KLRD1: variants seen among roughly 807,000 people sequenced by gnomAD.
KLRD1 encodes natural killer cells antigen CD94.
KLRD1 carries 21 observed loss-of-function variants against 22.6 expected under a neutral mutation model. The observed-to-expected ratio is 0.93, with a 90% CI of 0.66 to 1.34. The LOEUF is 1.34. Among genes scored for constraint, KLRD1 ranks in the 40% most tolerant of loss-of-function variants. The pLI, the probability that KLRD1 is intolerant of heterozygous loss-of-function variation, is 0.00. For missense variants in KLRD1, 183 were observed against 208.6 expected, an observed-to-expected ratio of 0.88 and a Z score of 0.76; for synonymous variants, 59 against 71.1, an observed-to-expected ratio of 0.83 and a Z score of 0.85.
intron 1 of KLRD1, among the ~76,000 whole-genome samples, chr12:10,291,965 C>T (rs58700703): frequency 0.074 from 11,302 of 152,194 alleles, 490 homozygotes; most frequent in East Asian, 0.17. Context: ...CTGCAAAGGA[C>T]ATAATCTCAT....
At chr12:10,261,729 T>A (rs1292499554) in intron 1 of KLRD1, among the ~76,000 whole-genome samples, 1 of 152,154 alleles carries the variant, frequency 6.6e-6, no homozygotes, top group Non-Finnish European at 1.5e-5. Context: ...AAGCTTCTAA[T>A]TCTTACTATT....
At chr12:10,241,321 A>G (rs1373439219) in intron 1 of KLRD1, among the ~76,000 whole-genome samples, 1 of 152,176 alleles carries the variant, frequency 6.6e-6, no homozygotes, top group African/African-American at 2.4e-5. Context: ...TTTCTTTATC[A>G]GCTTTCTAAT....
In KLRD1 at chr12:10,324,818, G is replaced by GTGTGTGTGTATATATATATATA. The variant is rs750696767; in HGVS notation, c.*10026_*10027insGTGTGTGTATATATATATATAT. 1.3e-4 allele frequency: 10 copies of GTGTGTGTGTATATATATATATA among 74,152 alleles called. No homozygotes were observed. Among genetic ancestry groups the GTGTGTGTGTATATATATATATA allele is most frequent in the Non-Finnish European group, 1.9e-4 (7 of 37,690 alleles). The allele number at this position is 74,152 out of a possible 1,614,324, so 4.6% of individuals were successfully genotyped here. A position where few individuals can be genotyped will look rare whatever the true frequency, so the allele number is the denominator to read the frequency against. On this transcript the variant is annotated 3_prime_UTR_variant, in exon 6 of 6. Transcript: ENST00000336164. ...AGTATATATGTATATGTGTGTGTGT[G>GTGTGTGTGTATATATATATATA]TATATATATATATATATATATATAT... is the stretch of plus-strand genomic sequence containing the variant.
chr12:10,273,025 T>C (rs1057279834), intron 1 of KLRD1, among the ~76,000 whole-genome samples: 1 of 152,176 alleles, frequency 6.6e-6, no homozygotes, highest in Non-Finnish European at 1.5e-5. Flanking sequence ...TTGTAGATGA[T>C]TCAGTTGAAC....
chr12:10,311,397 A>G, intron 3 of KLRD1, 67 bp from the exon 4 acceptor site: 1 of 1,459,360 alleles, frequency 6.9e-7, no homozygotes, highest in Non-Finnish European at 9.5e-7. Flanking sequence ...TTTTTGAATA[A>G]TTAAATAGCA....
At chr12:10,312,086 T>G in intron 4 of KLRD1, among the ~76,000 whole-genome samples, 1 of 149,560 alleles carries the variant, frequency 6.7e-6, no homozygotes, top group East Asian at 2.0e-4. Flanking sequence ...AGAGTTTTAC[T>G]CTGTTGCCCA....
chr12:10,296,236 G>A (rs867550943), intron 1 of KLRD1, among the ~76,000 whole-genome samples: 4 of 152,160 alleles, frequency 2.6e-5, no homozygotes, highest in Admixed American at 1.3e-4. Flanking sequence ...TACAAAGGAG[G>A]CCGGGCACAG....
intron 1 of KLRD1, among the ~76,000 whole-genome samples, chr12:10,256,551 A>G (rs60220961): frequency 0.015 from 2,294 of 150,758 alleles, 51 homozygotes; most frequent in African/African-American, 0.054. Context: ...ACCTATTTTT[A>G]ATCAATACTA....
intron 4 of KLRD1, among the ~76,000 whole-genome samples, chr12:10,313,004 A>G (rs1950131257): frequency 6.6e-6 from 1 of 151,904 alleles, no homozygotes; most frequent in South Asian, 2.1e-4. Flanking sequence ...AGAAAAAAGA[A>G]AAAGCGAAAA....
intron 1 of KLRD1, among the ~76,000 whole-genome samples, chr12:10,285,024 T>C (rs1949687664): frequency 6.6e-6 from 1 of 152,166 alleles, no homozygotes; most frequent in African/African-American, 2.4e-5. Context: ...ACACATCATT[T>C]AGTTTCCACT....
At position 10,309,649 on chromosome 12, in the gene KLRD1, C is replaced by T. The variant is rs748072432; in HGVS notation, c.124C>T (p.Pro42Ser). ...KNSFTKLSIE[P>S]AFTPGPNIEL... ...AGCTTTTACTAAACTGAGTATTGAG[C>T]CAGCATTTACTCCAGGACCCAACAT... The change falls in exon 3 of 6, where the codon CCA (proline) becomes TCA (serine). Residue 42 changes from proline to serine, a missense_variant. Coordinates refer to ENST00000336164, the MANE Select transcript of KLRD1 (RefSeq NM_002262.5). 6.2e-7 allele frequency: 1 copy of T among 1,612,782 alleles called. No individual in the cohort carries two copies. The highest frequency in any genetic ancestry group is 8.5e-7 in the Non-Finnish European group (1 of 1,178,992).
At chr12:10,273,459 C>T (rs766431693) in intron 1 of KLRD1, among the ~76,000 whole-genome samples, 1 of 152,032 alleles carries the variant, frequency 6.6e-6, no homozygotes, top group Non-Finnish European at 1.5e-5. Flanking sequence ...GTTACTGTTT[C>T]TGATGAGCAT....
chr12:10,255,649 C>T (rs1949388330), intron 1 of KLRD1, among the ~76,000 whole-genome samples: 2 of 151,930 alleles, frequency 1.3e-5, no homozygotes, highest in African/African-American at 4.8e-5. Flanking sequence ...TTTAGTTTTA[C>T]TTCTGTTACT....
At chr12:10,255,369 G>A (rs1949385925) in intron 1 of KLRD1, among the ~76,000 whole-genome samples, 1 of 151,944 alleles carries the variant, frequency 6.6e-6, no homozygotes, top group Admixed American at 6.6e-5. Context: ...AGTATTTATT[G>A]TTCATTTGGC....
chr12:10,312,424 G>C (rs1294291409), intron 4 of KLRD1, among the ~76,000 whole-genome samples: 1 of 150,884 alleles, frequency 6.6e-6, no homozygotes, highest in South Asian at 2.1e-4. Context: ...TGTCGCCCAG[G>C]CTGGAGTGCA....
At chr12:10,284,281 A>G (rs993798416) in intron 1 of KLRD1, among the ~76,000 whole-genome samples, 2 of 152,260 alleles carry the variant, frequency 1.3e-5, no homozygotes, top group African/African-American at 4.8e-5. Context: ...CAATCTATAC[A>G]TAGGTTTACT....
chr12:10,254,353 G>A (rs998146788), intron 1 of KLRD1, among the ~76,000 whole-genome samples: 4 of 149,738 alleles, frequency 2.7e-5, no homozygotes, highest in African/African-American at 7.4e-5. Context: ...GCGTGAACCC[G>A]GGAGGCGGAG....
chr12:10,241,545 T>A (rs1170964628), intron 1 of KLRD1, among the ~76,000 whole-genome samples: 1 of 152,106 alleles, frequency 6.6e-6, no homozygotes, highest in African/African-American at 2.4e-5. Flanking sequence ...AAAATGACAT[T>A]ACTGAGTTGT....
chr12:10,289,986 C>A (rs1949751608), intron 1 of KLRD1, among the ~76,000 whole-genome samples: 1 of 152,204 alleles, frequency 6.6e-6, no homozygotes, highest in Non-Finnish European at 1.5e-5. Flanking sequence ...CCATGCTTGT[C>A]AGGCTGGTCT....
Sources: gnomAD v4.1 joint callset for allele counts (sites outside exome capture counted in the v4.1 genomes callset) on GRCh38, gnomAD v4.1.1 for gene constraint, MANE v1.5 for transcripts, NCBI Gene and HGNC (gene_info 2026-07-23, HGNC 2026-07-21) for gene names.